The following INTS5 variants were observed in gnomAD, a reference collection of about 807,000 sequenced individuals.
INTS5 encodes the protein KIAA1698.
In INTS5, 29 loss-of-function variants were observed where a neutral mutation model predicts 60.0. The observed-to-expected ratio is 0.48, with a 90% CI of 0.36 to 0.66. The LOEUF (loss-of-function observed/expected upper bound fraction) is 0.66, where lower values mean the gene tolerates loss of function less well. INTS5 is among the 30% of genes least tolerant of loss of function. The pLI, the probability that INTS5 is intolerant of heterozygous loss-of-function variation, is 0.00. For synonymous variants in INTS5, 588 were observed against 558.8 expected (o/e 1.05, Z -0.74); for missense variants, 1,129 against 1,307.9 (o/e 0.86, Z 2.11).
At chr11:62,652,785 A>C (rs1424930492) in intron 1 of INTS5, among the ~76,000 whole-genome samples, 1 of 152,184 alleles carries the variant, frequency 6.6e-6, no homozygotes, top group Non-Finnish European at 1.5e-5. Flanking sequence ...ATATAAGGGA[A>C]TATCTCAGCC....
In INTS5 at chr11:62,648,400, C is replaced by G. The variant is rs138193283; in HGVS notation, c.1680G>C (p.Arg560=). ...GAGGCTGTAATGTCCCTGCATGCAC[C>G]CGAGCCAGACAGCTTCGGAAAGCCA... ...LPLAFRSCLA[R]VHAGTLQPPF... is the part of the protein sequence containing the mutation. The change falls in exon 2 of 2, where the codon CGG becomes CGC. Residue 560 remains arginine, a synonymous_variant. Coordinates refer to ENST00000330574, the MANE Select transcript of INTS5 (RefSeq NM_030628.2). The surrounding 1 kb of genome is among the most constrained non-coding windows in gnomAD (Gnocchi z 4.4). The G allele has an allele frequency of 1.4e-3, 2,306 of 1,614,210 alleles. 34 individuals are homozygous for G. The African/African-American group carries it at 0.029, about 20-fold the overall frequency.
chr11:62,653,266 A>G lies in INTS5; in HGVS notation c.-17T>C, dbSNP rs1239230612. On this transcript the variant is annotated 5_prime_UTR_variant, in exon 1 of 2. Transcript: ENST00000330574. ...CGCGGACATCCCGGAGCCCGAGCCG[A>G]GCCCGAGGCGCGAGCGGCGGAGCGC... 9.9e-5 allele frequency: 123 copies of G among 1,242,634 alleles called. No homozygotes were observed. The highest frequency in any genetic ancestry group is 1.2e-4 in the Non-Finnish European group (120 of 986,944). 77.0% of individuals were successfully genotyped at this position (1,242,634 alleles called of 1,614,324 possible). A position where few individuals can be genotyped will look rare whatever the true frequency, so the allele number is the denominator to read the frequency against.
rs144315646 is a variant in INTS5 at position 62,647,708 on chromosome 11, C to G, written c.2372G>C (p.Gly791Ala). ...SLLVHCCSAPGGTECGECWGA... is the reference protein window; with the variant it reads ...SLLVHCCSAPAGTECGECWGA... ...CCAGCATTCCCCACATTCAGTGCCC[C>G]CTGGGGCACTGCAGCAGTGAACCAG... The change falls in exon 2 of 2, where the codon GGG (glycine) becomes GCG (alanine). Residue 791 changes from glycine (G) to alanine (A), a missense_variant. Gly to Ala is a moderately conservative substitution (Grantham distance 60). This residue lies in a region of INTS5 where 1,070 missense variants were observed against 1,246.1 expected (regional missense o/e 0.86). Coordinates refer to ENST00000330574, the MANE Select transcript of INTS5 (RefSeq NM_030628.2). 1 of 1,614,172 alleles carries G rather than the reference C, an allele frequency of 6.2e-7. No homozygotes were observed. Among genetic ancestry groups the G allele is most frequent in the African/African-American group, 1.3e-5 (1 of 75,048 alleles).
chr11:62,649,248 C>T lies in INTS5; in HGVS notation c.832G>A (p.Gly278Arg). The T allele has an allele frequency of 6.2e-7, 1 of 1,613,712 alleles. No homozygotes were observed. Among genetic ancestry groups the T allele is most frequent in the Non-Finnish European group, 8.5e-7 (1 of 1,179,676 alleles). Residue 278 changes from glycine (G) to arginine (R), a missense_variant, in exon 2 of 2, where the codon GGA (glycine) becomes AGA (arginine). By Grantham distance (125) the Gly-to-Arg change is moderately radical (BLOSUM62 -2). Around this residue, in one of 3 missense-constraint regions of INTS5, gnomAD observed 1,070 missense variants for 1,246.1 expected, o/e 0.86. Coordinates refer to ENST00000330574, the MANE Select transcript of INTS5 (RefSeq NM_030628.2). This position sits in a 1 kb window ranked among gnomAD's most constrained non-coding sequence, Gnocchi z 6.0. Reference sequence around the variant, plus strand: ...TTCTCCGCAGGAATGGCAGGAGATCCAGGGAAGGGGTCTGTAGAGGGGGTC... The same window carrying T: ...TTCTCCGCAGGAATGGCAGGAGATCTAGGGAAGGGGTCTGTAGAGGGGGTC... ...SQTPSTDPFP[G>R]SPAIPAEKRV...
Position 62,650,013 on chromosome 11 carries a change from A to C in INTS5, c.81-14T>G. 2.5e-6 allele frequency: 4 copies of C among 1,602,940 alleles called. No individual in the cohort carries two copies. In the South Asian group the frequency reaches 4.4e-5, roughly 18 times the overall value. On this transcript the variant is annotated splice_polypyrimidine_tract_variant and intron_variant, in intron 1 of 1. Transcript: ENST00000330574. ...AGCTCCTGAGCACTACAAGGAAGCA[A>C]AAGAAACAGACTTAAGAGTGTTGTG...
intron 1 of INTS5, among the ~76,000 whole-genome samples, chr11:62,652,680 T>C (rs1804794293): frequency 6.6e-6 from 1 of 152,150 alleles, no homozygotes; most frequent in African/African-American, 2.4e-5. Flanking sequence ...ATCCCCTTTC[T>C]CTTATCGCCT....
In INTS5 at chr11:62,648,073, T is replaced by C. The variant is rs1565119072; in HGVS notation, c.2007A>G (p.Ser669=). Residue 669 remains serine, a synonymous_variant, in exon 2 of 2, where the codon TCA becomes TCG. Transcript: ENST00000330574. The surrounding 1 kb of genome is among the most constrained non-coding windows in gnomAD (Gnocchi z 4.4). ...LRLHGPPGVA[S]ACQLLTRLSQ... is the part of the protein sequence containing the mutation. ...ACAGGCGGGTGAGAAGCTGACAGGCTGAGGCCACACCTGGGGGTCCATGCA... is the reference window on the plus strand; with the variant it reads ...ACAGGCGGGTGAGAAGCTGACAGGCCGAGGCCACACCTGGGGGTCCATGCA... 2 of 1,614,112 alleles carry C rather than the reference T, an allele frequency of 1.2e-6. No homozygotes were observed. Among genetic ancestry groups the C allele is most frequent in the East Asian group, 4.5e-5 (2 of 44,866 alleles).
chr11:62,653,271 GA>G lies in INTS5; in HGVS notation c.-23del. 8.1e-7 allele frequency: 1 copy of G among 1,241,920 alleles called. No homozygotes were observed. The highest frequency in any genetic ancestry group is 1.0e-6 in the Non-Finnish European group (1 of 986,474). 76.9% of individuals were successfully genotyped at this position (1,241,920 alleles called of 1,614,324 possible). A position where few individuals can be genotyped will look rare whatever the true frequency, so the allele number is the denominator to read the frequency against. On this transcript the variant is annotated 5_prime_UTR_variant, in exon 1 of 2. Transcript: ENST00000330574. ...ACATCCCGGAGCCCGAGCCGAGCCC[GA>G]GGCGCGAGCGGCGGAGCGCAGGCGG...
intron 1 of INTS5, 110 bp downstream of exon 1, chr11:62,653,060 C>G: frequency 7.4e-6 from 5 of 673,814 alleles, no homozygotes; most frequent in Non-Finnish European, 1.1e-5. Flanking sequence ...GACCAAGAAT[C>G]TGAGAACCCT....
In INTS5 at chr11:62,647,449, C is replaced by T; in HGVS notation, c.2631G>A (p.Leu877=). The change falls in exon 2 of 2, where the codon CTG becomes CTA. Residue 877 remains leucine, a synonymous_variant. Coordinates refer to ENST00000330574, the MANE Select transcript of INTS5 (RefSeq NM_030628.2). Reference sequence around the variant, plus strand: ...AGAGGGCGGCCAGCAGCCCCCGAAGCAGCACGGAACAGTAGCACAGGGCTG... The same window carrying T: ...AGAGGGCGGCCAGCAGCCCCCGAAGTAGCACGGAACAGTAGCACAGGGCTG... ...APPALCYCSV[L]LRGLLAALLG... is the part of the protein sequence containing the mutation. The T allele has an allele frequency of 6.2e-7, 1 of 1,606,274 alleles. No homozygotes were observed.
chr11:62,649,618 T>G lies in INTS5; in HGVS notation c.462A>C (p.Gln154His). The G allele has an allele frequency of 1.9e-6, 3 of 1,614,122 alleles. No homozygotes were observed. The South Asian group carries it at 3.3e-5, about 18-fold the overall frequency. ...GCTGGCCTGAGTACGTGCTGCTCAG[T>G]TGCCCCATGAGGTCAATGGACCATG... ...ISAWSIDLMG[Q>H]LSSTYSGQHQ... is the part of the protein sequence containing the mutation. Residue 154 changes from glutamine to histidine, a missense_variant, in exon 2 of 2, where the codon CAA (glutamine) becomes CAC (histidine). By Grantham distance (24) the Gln-to-His change is conservative. Transcript: ENST00000330574. This position sits in a 1 kb window ranked among gnomAD's most constrained non-coding sequence, Gnocchi z 6.0.
chr11:62,649,443 G>A lies in INTS5; in HGVS notation c.637C>T (p.Leu213=). The change falls in exon 2 of 2, where the codon CTG becomes TTG. Residue 213 remains leucine (L), a synonymous_variant. Coordinates refer to ENST00000330574, the MANE Select transcript of INTS5 (RefSeq NM_030628.2). The surrounding 1 kb of genome is among the most constrained non-coding windows in gnomAD (Gnocchi z 6.0). ...SCPDACVDAL[L]DTSVQHSPHF... ...GGAGAATGCTGAACAGAGGTATCCA[G>A]CAAGGCATCCACACACGCATCTGGG... 1 of 1,614,220 alleles carries A rather than the reference G, an allele frequency of 6.2e-7. No individual in the cohort carries two copies. The highest frequency in any genetic ancestry group is 8.5e-7 in the Non-Finnish European group (1 of 1,180,038).
In INTS5 at chr11:62,647,912, AAAG is replaced by A; in HGVS notation, c.2165_2167del (p.Ser722del). The A allele has an allele frequency of 6.2e-7, 1 of 1,614,232 alleles. No individual in the cohort carries two copies. Among genetic ancestry groups the A allele is most frequent in the Non-Finnish European group, 8.5e-7 (1 of 1,180,042 alleles). On this transcript the variant is annotated inframe_deletion, in exon 2 of 2. Transcript: ENST00000330574. ...AGTGTCCAACAGGGAGGCAGAAGCC[AAAG>A]AAGCTGAAACAACTGAGAGAGTCTC...
chr11:62,651,849 C>CA (rs1014955183), intron 1 of INTS5, among the ~76,000 whole-genome samples: 28 of 151,560 alleles, frequency 1.8e-4, no homozygotes, highest in Admixed American at 7.9e-4. Flanking sequence ...TGTGCGCCGT[C>CA]AAAAAAAAGA....
Position 62,647,913 on chromosome 11 carries a change from A to G in INTS5, c.2167T>C (p.Leu723=). Residue 723 remains leucine (L), a synonymous_variant, in exon 2 of 2, where the codon TTG becomes CTG. Coordinates refer to ENST00000330574, the MANE Select transcript of INTS5 (RefSeq NM_030628.2). ...NETLSVVSAS[L]ASASLLDTNR... is the part of the protein sequence containing the mutation. ...GTGTCCAACAGGGAGGCAGAAGCCA[A>G]AGAAGCTGAAACAACTGAGAGAGTC... The G allele has an allele frequency of 6.2e-7, 1 of 1,614,226 alleles. No individual in the cohort carries two copies. The highest frequency in any genetic ancestry group is 1.1e-5 in the South Asian group (1 of 91,090).
Position 62,649,527 on chromosome 11 carries a change from C to A in INTS5, c.553G>T (p.Ala185Ser). ...ELLQLWMGCR[A>S]TRTLMDIYVQ... ...TAGATGTCCATTAATGTACGCGTGGCCCTACAACCCATCCACAGCTGTAGC... is the reference window on the plus strand; with the variant it reads ...TAGATGTCCATTAATGTACGCGTGGACCTACAACCCATCCACAGCTGTAGC... The change falls in exon 2 of 2, where the codon GCC becomes TCC. Residue 185 changes from alanine (A) to serine (S), a missense_variant. By Grantham distance (99) the Ala-to-Ser change is moderately conservative. This residue lies in a region of INTS5 where 1,070 missense variants were observed against 1,246.1 expected (regional missense o/e 0.86). Transcript: ENST00000330574. The surrounding 1 kb of genome is among the most constrained non-coding windows in gnomAD (Gnocchi z 6.0). 6.2e-7 allele frequency: 1 copy of A among 1,614,220 alleles called. No individual in the cohort carries two copies. Among genetic ancestry groups the A allele is most frequent in the Non-Finnish European group, 8.5e-7 (1 of 1,180,032 alleles).
rs1173978349 is a variant in INTS5, at chr11:62,648,974, A to T, written c.1106T>A (p.Leu369Gln). Residue 369 changes from leucine (L) to glutamine (Q), a missense_variant, in exon 2 of 2, where the codon CTG becomes CAG. Leu to Gln is a moderately radical substitution (Grantham distance 113). Coordinates refer to ENST00000330574, the MANE Select transcript of INTS5 (RefSeq NM_030628.2). This position sits in a 1 kb window ranked among gnomAD's most constrained non-coding sequence, Gnocchi z 4.4. ...TTGAAGGTGTTGCTGCAGCTGGCTC[A>T]GCACAGCTGGGGGCTTGAGGCAATC... is the stretch of plus-strand genomic sequence containing the variant. ...LVDCLKPPAVLSQLQQHLQGF... is the reference protein window; with the variant it reads ...LVDCLKPPAVQSQLQQHLQGF... 1.2e-6 allele frequency: 2 copies of T among 1,613,066 alleles called. No homozygotes were observed. The highest frequency in any genetic ancestry group is 1.7e-6 in the Non-Finnish European group (2 of 1,179,600).
In INTS5 at chr11:62,647,396, G is replaced by A. The variant is rs1944533004; in HGVS notation, c.2684C>T (p.Pro895Leu). 3 of 1,612,354 alleles carry A rather than the reference G, an allele frequency of 1.9e-6. No individual in the cohort carries two copies. The highest frequency in any genetic ancestry group is 2.5e-6 in the Non-Finnish European group (3 of 1,179,172). ...LLGHWEASRH[P>L]DTTHSPWHLE... is the part of the protein sequence containing the mutation. ...GTGCCAGGGGGAGTGGGTCGTGTCA[G>A]GGTGGCGAGAGGCTTCCCAATGGCC... Residue 895 changes from proline (P) to leucine (L), a missense_variant, in exon 2 of 2, where the codon CCT becomes CTT. Physicochemically the swap from Pro to Leu is moderately conservative, Grantham distance 98. Around this residue, in one of 3 missense-constraint regions of INTS5, gnomAD observed 1,070 missense variants for 1,246.1 expected, o/e 0.86. Transcript: ENST00000330574.
Position 62,649,378 on chromosome 11 carries a change from A to G in INTS5, c.702T>C (p.Phe234=). The G allele has an allele frequency of 6.2e-7, 1 of 1,614,208 alleles. No homozygotes were observed. Residue 234 remains phenylalanine, a synonymous_variant, in exon 2 of 2, where the codon TTT becomes TTC. Transcript: ENST00000330574. The surrounding 1 kb of genome is among the most constrained non-coding windows in gnomAD (Gnocchi z 6.0). The part of the protein sequence containing the change: ...DWVVAHIGSS[F]PGTIISRVLS... ...GAACCCGGGAAATGATGGTGCCAGG[A>G]AAAGAGGAGCCAATATGTGCCACAA...
Sources: gnomAD v4.1 joint callset for allele counts (sites outside exome capture counted in the v4.1 genomes callset) on GRCh38, gnomAD v4.1.1 for gene constraint, gnomAD v4.1.1 regional missense constraint, Gnocchi (gnomAD v3.1) non-coding constraint, MANE v1.5 for transcripts, NCBI Gene and HGNC (gene_info 2026-07-23, HGNC 2026-07-21) for gene names.